The following HDC variants were observed in gnomAD, a reference collection of about 807,000 sequenced individuals.
HDC encodes the protein histidine decarboxylase.
Under a neutral mutation model 64.4 loss-of-function variants are expected in HDC, and 27 were observed. The observed-to-expected ratio is 0.42, with a 90% CI of 0.31 to 0.58. The LOEUF (loss-of-function observed/expected upper bound fraction) is 0.58. Among genes scored for constraint, HDC ranks in the 20% least tolerant of loss-of-function variants. The pLI, the probability that HDC is intolerant of heterozygous loss-of-function variation, is 0.16. For missense variants in HDC, 711 were observed against 833.9 expected (o/e 0.85, Z 1.81); for synonymous variants, 305 against 314.2 (o/e 0.97, Z 0.31).
At chr15:50,261,354 C>A (rs2045700172) in intron 2 of HDC, among the ~76,000 whole-genome samples, 1 of 152,204 alleles carries the variant, frequency 6.6e-6, no homozygotes, top group Non-Finnish European at 1.5e-5. Flanking sequence ...CAGCAGATTA[C>A]ATTTTACAGA....
At chr15:50,250,935 G>A (rs998748762) in intron 9 of HDC, among the ~76,000 whole-genome samples, 3 of 152,236 alleles carry the variant, frequency 2.0e-5, no homozygotes, top group African/African-American at 7.2e-5. Flanking sequence ...AGAATAGCCA[G>A]TATAATCAAG....
At chr15:50,250,918 C>G (rs2045545821) in intron 9 of HDC, among the ~76,000 whole-genome samples, 1 of 152,052 alleles carries the variant, frequency 6.6e-6, no homozygotes, top group Admixed American at 6.6e-5. Flanking sequence ...GTGGACTGGT[C>G]CAAGGGAGAA....
At position 50,248,129 on chromosome 15, in the gene HDC, A is replaced by G; in HGVS notation, c.1140+116T>C. ...CAGGAGCTGAGGAACAGGCCCAGAC[A>G]CCTGAACCACACACCGCAAGTCTCC... On this transcript the variant is annotated intron_variant, in intron 10 of 11. Transcript: ENST00000267845. This position sits in a 1 kb window ranked among gnomAD's most constrained non-coding sequence, Gnocchi z 4.3. 1.3e-6 allele frequency: 1 copy of G among 741,288 alleles called. No homozygotes were observed. The highest frequency in any genetic ancestry group is 2.4e-6 in the Non-Finnish European group (1 of 414,252). 45.9% of individuals were successfully genotyped at this position (741,288 alleles called of 1,614,324 possible).
chr15:50,263,125 A>C (rs2045725418), intron 2 of HDC, 110 bp downstream of exon 2: 1 of 1,101,846 alleles, frequency 9.1e-7, no homozygotes, highest in African/African-American at 1.5e-5. Context: ...CAAGTGGCTG[A>C]AGGATGCATT....
intron 1 of HDC, 51 bp from the exon 2 acceptor site, chr15:50,263,458 C>G (rs779266160): frequency 6.4e-7 from 1 of 1,560,064 alleles, no homozygotes; most frequent in South Asian, 1.1e-5. Context: ...TGGGCCTGAC[C>G]GATTTGTGCC....
chr15:50,242,274 G>T lies in HDC; in HGVS notation c.1975C>A (p.Gln659Lys). 1 of 1,613,904 alleles carries T rather than the reference G, an allele frequency of 6.2e-7. No homozygotes were observed. Among genetic ancestry groups the T allele is most frequent in the South Asian group, 1.1e-5 (1 of 91,072 alleles). The change falls in exon 12 of 12, where the codon CAG becomes AAG. Residue 659 changes from glutamine (Q) to lysine (K), a missense_variant. Around this residue, in one of 3 missense-constraint regions of HDC, gnomAD observed 483 missense variants for 540.9 expected, o/e 0.89. Coordinates refer to ENST00000267845, the MANE Select transcript of HDC (RefSeq NM_002112.4). ...CGLQLPCCPL[Q>K]AMV The stretch of plus-strand genomic sequence containing the variant: ...AGGCCCTGTGTCTAAACCATGGCCT[G>T]CAGAGGGCAACAGGGCAGCTGGAGT...
chr15:50,244,313 A>ATTTTTTT (rs2045448473), intron 10 of HDC, among the ~76,000 whole-genome samples: 3 of 69,364 alleles, frequency 4.3e-5, no homozygotes, highest in African/African-American at 1.6e-4. Flanking sequence ...TTTTTTTTTG[A>ATTTTTTT]GAGATAGGGT....
rs2045658438 is a variant in HDC at position 50,258,340 on chromosome 15, T to C, written c.318+64A>G. The C allele has an allele frequency of 5.9e-6, 5 of 854,676 alleles. No homozygotes were observed. The Admixed American group carries it at 7.5e-5, about 13-fold the overall frequency. 52.9% of individuals were successfully genotyped at this position (854,676 alleles called of 1,614,324 possible). On this transcript the variant is annotated intron_variant, in intron 3 of 11. Transcript: ENST00000267845. Reference sequence around the variant, plus strand: ...TTCAGAAACCAAGACAAAATATGTCTGCCCTAGGATACCACTCCCTGCTAC... The same window carrying C: ...TTCAGAAACCAAGACAAAATATGTCCGCCCTAGGATACCACTCCCTGCTAC...
chr15:50,245,614 G>A (rs1368277292), intron 10 of HDC, among the ~76,000 whole-genome samples: 1 of 152,184 alleles, frequency 6.6e-6, no homozygotes, highest in Non-Finnish European at 1.5e-5. Context: ...GGAAGGCATG[G>A]CCAGGGGTGG....
intron 2 of HDC, 122 bp downstream of exon 2, chr15:50,263,113 G>T (rs2045725187): frequency 4.2e-6 from 4 of 962,314 alleles, no homozygotes; most frequent in Non-Finnish European, 3.4e-6. Flanking sequence ...GGTGTTGGTG[G>T]CCAAGTGGCT....
chr15:50,256,434 G>T (rs2045632913), intron 4 of HDC, among the ~76,000 whole-genome samples: 1 of 152,174 alleles, frequency 6.6e-6, no homozygotes, highest in Non-Finnish European at 1.5e-5. Flanking sequence ...TGTCGCCCAG[G>T]CTGGAGGGCA....
At chr15:50,258,260 A>G in intron 3 of HDC, 144 bp downstream of exon 3, 1 of 682,912 alleles carries the variant, frequency 1.5e-6, no homozygotes, top group Non-Finnish European at 2.7e-6. Flanking sequence ...GAAAATTAAA[A>G]TAAAGCGTAA....
chr15:50,253,134 C>T (rs1237763554), intron 7 of HDC: 1 of 399,450 alleles, frequency 2.5e-6, no homozygotes, highest in African/African-American at 2.0e-5. Flanking sequence ...AGGTATCTCT[C>T]TTTCCTAGTG....
intron 6 of HDC, 119 bp downstream of exon 6, chr15:50,254,011 C>T (rs758959747): frequency 9.5e-7 from 1 of 1,056,942 alleles, no homozygotes; most frequent in Non-Finnish European, 1.4e-6. Context: ...GTGTAAAATA[C>T]TGTATGGGAG....
chr15:50,249,397 G>C (rs767740678), intron 9 of HDC, among the ~76,000 whole-genome samples: 2 of 152,152 alleles, frequency 1.3e-5, no homozygotes, highest in African/African-American at 2.4e-5. Context: ...GTCCCACTGC[G>C]TATTTATCTG....
rs2045508628 is a variant in HDC at position 50,248,255 on chromosome 15, T to C, written c.1130A>G (p.His377Arg). Residue 377 changes from histidine (H) to arginine (R), a missense_variant, in exon 10 of 12, where the codon CAT (histidine) becomes CGT (arginine). Physicochemically the swap from His to Arg is conservative, Grantham distance 29. Around this residue, in one of 3 missense-constraint regions of HDC, gnomAD observed 483 missense variants for 540.9 expected, o/e 0.89. Coordinates refer to ENST00000267845, the MANE Select transcript of HDC (RefSeq NM_002112.4). This position sits in a 1 kb window ranked among gnomAD's most constrained non-coding sequence, Gnocchi z 4.3. ...CAGCATGCTACATACATGTCTGACA[T>C]GTGCTTGAAGATTCTTCACCCCGAA... is the stretch of plus-strand genomic sequence containing the variant. The part of the protein sequence containing the change: ...RSFGVKNLQA[H>R]VRHGTEMAKY... The C allele has an allele frequency of 3.7e-6, 6 of 1,610,962 alleles. No homozygotes were observed. Among genetic ancestry groups the C allele is most frequent in the African/African-American group, 1.3e-5 (1 of 74,866 alleles).
Position 50,248,142 on chromosome 15 carries a change from A to C in HDC, c.1140+103T>G. On this transcript the variant is annotated intron_variant, in intron 10 of 11. Coordinates refer to ENST00000267845, the MANE Select transcript of HDC (RefSeq NM_002112.4). This position sits in a 1 kb window ranked among gnomAD's most constrained non-coding sequence, Gnocchi z 4.3. ...ACAGGCCCAGACACCTGAACCACAC[A>C]CCGCAAGTCTCCTAGGCAGATCTGC... 1.3e-6 allele frequency: 1 copy of C among 789,780 alleles called. No individual in the cohort carries two copies. The highest frequency in any genetic ancestry group is 2.2e-6 in the Non-Finnish European group (1 of 454,754). 48.9% of individuals were successfully genotyped at this position (789,780 alleles called of 1,614,324 possible). A position where few individuals can be genotyped will look rare whatever the true frequency, so the allele number is the denominator to read the frequency against.
chr15:50,252,566 G>A (rs1422760701), intron 8 of HDC, 46 bp from the exon 9 acceptor site: 1 of 1,614,142 alleles, frequency 6.2e-7, no homozygotes. Context: ...CTCTCCAGAG[G>A]AGGCAAGGCG....
At chr15:50,263,157 GCAGGT>G in intron 2 of HDC, 73 bp downstream of exon 2, 1 of 1,454,016 alleles carries the variant, frequency 6.9e-7, no homozygotes, top group Non-Finnish European at 9.7e-7. Context: ...CTGACCCAAA[GCAGGT>G]CTTTCTCCAG....
Sources: gnomAD v4.1 joint callset for allele counts (sites outside exome capture counted in the v4.1 genomes callset) on GRCh38, gnomAD v4.1.1 for gene constraint, gnomAD v4.1.1 regional missense constraint, Gnocchi (gnomAD v3.1) non-coding constraint, MANE v1.5 for transcripts, NCBI Gene and HGNC (gene_info 2026-07-23, HGNC 2026-07-21) for gene names.